Variants in CDKAL1 observed in about 807,000 individuals in gnomAD.
The protein encoded by CDKAL1 is CDKAL1 threonylcarbamoyladenosine tRNA methylthiotransferase.
A neutral mutation model predicts 68.2 loss-of-function variants in CDKAL1; 32 were observed. The ratio of observed to expected loss-of-function variants is 0.47; its 90% confidence interval spans 0.35 to 0.63. CDKAL1 has a LOEUF of 0.63. CDKAL1 is among the 30% of genes least tolerant of loss of function. The pLI is 0.00. For synonymous variants in CDKAL1, 234 were observed against 244.3 expected, an observed-to-expected ratio of 0.96 and a Z score of 0.39; for missense variants, 606 against 696.7, an observed-to-expected ratio of 0.87 and a Z score of 1.47.
chr6:20,810,971 C>T (rs948984980), intron 8 of CDKAL1, among the ~76,000 whole-genome samples: 1 of 152,102 alleles, frequency 6.6e-6, no homozygotes, highest in African/African-American at 2.4e-5. Flanking sequence ...CCAACTTGGC[C>T]ATCAGACTTG....
At chr6:21,081,003 GATA>G (rs1772365907) in intron 12 of CDKAL1, among the ~76,000 whole-genome samples, 1 of 152,070 alleles carries the variant, frequency 6.6e-6, no homozygotes, top group South Asian at 2.1e-4. Context: ...CCAACTTTAG[GATA>G]ATGAGGAATC....
intron 11 of CDKAL1, among the ~76,000 whole-genome samples, chr6:21,051,636 T>C (rs1770544753): frequency 6.6e-6 from 1 of 152,192 alleles, no homozygotes; most frequent in African/African-American, 2.4e-5. Flanking sequence ...GAGAAAGTTA[T>C]ATTAAACAAG....
chr6:20,630,328 G>A (rs1261340744), intron 4 of CDKAL1, among the ~76,000 whole-genome samples: 1 of 152,020 alleles, frequency 6.6e-6, no homozygotes, highest in Non-Finnish European at 1.5e-5. Flanking sequence ...CCTTGGATGG[G>A]CTCTGATCAC....
At chr6:20,863,866 ATTGT>A (rs1759770875) in intron 9 of CDKAL1, among the ~76,000 whole-genome samples, 1 of 152,172 alleles carries the variant, frequency 6.6e-6, no homozygotes, top group Admixed American at 6.5e-5. Flanking sequence ...GAAAAATTTG[ATTGT>A]TTTTACATTT....
intron 8 of CDKAL1, among the ~76,000 whole-genome samples, chr6:20,827,721 T>G (rs1185738609): frequency 1.3e-5 from 2 of 152,180 alleles, no homozygotes; most frequent in African/African-American, 2.4e-5. Flanking sequence ...ATTGAAGACA[T>G]AAAGATAGGT....
At chr6:21,159,424 C>T (rs1776802919) in intron 13 of CDKAL1, among the ~76,000 whole-genome samples, 1 of 152,186 alleles carries the variant, frequency 6.6e-6, no homozygotes, top group Admixed American at 6.5e-5. Context: ...ATCTGTTCTT[C>T]CAAGGGAAAC....
chr6:20,649,315 A>G lies in CDKAL1; in HGVS notation c.309A>G (p.Leu103=), dbSNP rs374353185. 5 of 1,608,538 alleles carry G rather than the reference A, an allele frequency of 3.1e-6. No individual in the cohort carries two copies. Among genetic ancestry groups the G allele is most frequent in the Non-Finnish European group, 4.2e-6 (5 of 1,178,218 alleles). The part of the protein sequence containing the change: ...KITENASDAD[L]WLLNSCTVKN... ...TAGAAAATGCATCCGATGCAGATTTATGGCTCCTGAACAGTTGCACTGTAA... is the reference window on the plus strand; with the variant it reads ...TAGAAAATGCATCCGATGCAGATTTGTGGCTCCTGAACAGTTGCACTGTAA... The change falls in exon 5 of 16, where the codon TTA becomes TTG. Residue 103 remains leucine, a synonymous_variant. Transcript: ENST00000274695.
intron 8 of CDKAL1, among the ~76,000 whole-genome samples, chr6:20,812,935 T>C (rs1490826877): frequency 6.6e-6 from 1 of 152,202 alleles, no homozygotes; most frequent in Non-Finnish European, 1.5e-5. Context: ...ATATTTACAC[T>C]AGCAGTTTTT....
chr6:20,910,065 T>G (rs1320998696), intron 9 of CDKAL1, among the ~76,000 whole-genome samples: 1 of 152,234 alleles, frequency 6.6e-6, no homozygotes, highest in Non-Finnish European at 1.5e-5. Flanking sequence ...GATTTTGTTT[T>G]CACTTTATCA....
chr6:21,231,061 T>G lies in CDKAL1; in HGVS notation c.*22T>G. The G allele has an allele frequency of 6.6e-7, 1 of 1,523,640 alleles. No homozygotes were observed. Among genetic ancestry groups the G allele is most frequent in the Non-Finnish European group, 9.0e-7 (1 of 1,114,666 alleles). 94.4% of individuals were successfully genotyped at this position (1,523,640 alleles called of 1,614,324 possible). ...TTAGAATACAACTAATGGAAACATC[T>G]ATAAAGAAGAATACATTTCTAATTA... On this transcript the variant is annotated 3_prime_UTR_variant, in exon 16 of 16. Coordinates refer to ENST00000274695, the MANE Select transcript of CDKAL1 (RefSeq NM_017774.3).
chr6:21,074,906 C>T (rs942899484), intron 12 of CDKAL1, among the ~76,000 whole-genome samples: 4 of 151,452 alleles, frequency 2.6e-5, no homozygotes, highest in African/African-American at 9.7e-5. Flanking sequence ...GTGCACCCAT[C>T]ATGTGAGTAG....
intron 13 of CDKAL1, among the ~76,000 whole-genome samples, chr6:21,127,027 A>G (rs531606517): frequency 6.6e-6 from 1 of 152,306 alleles, no homozygotes; most frequent in Admixed American, 6.5e-5. Flanking sequence ...AAGAAGAGAG[A>G]TGGCATCTGT....
intron 5 of CDKAL1, among the ~76,000 whole-genome samples, chr6:20,735,956 G>T (rs1031258050): frequency 2.6e-5 from 4 of 152,020 alleles, no homozygotes; most frequent in African/African-American, 9.7e-5. Flanking sequence ...TGCTGCATCC[G>T]CTGTCATCAA....
At chr6:20,729,277 T>C (rs796544395) in intron 5 of CDKAL1, among the ~76,000 whole-genome samples, 40 of 152,326 alleles carry the variant, frequency 2.6e-4, no homozygotes, top group African/African-American at 9.4e-4. Context: ...TCTAAGGAGC[T>C]TGTCAGGATG....
chr6:20,542,919 A>G (rs941748884), intron 2 of CDKAL1, among the ~76,000 whole-genome samples: 1 of 152,226 alleles, frequency 6.6e-6, no homozygotes, highest in Non-Finnish European at 1.5e-5. Flanking sequence ...ATCATACAGA[A>G]TGTAACCTTT....
At chr6:20,991,254 A>G (rs1279530177) in intron 10 of CDKAL1, among the ~76,000 whole-genome samples, 1 of 152,208 alleles carries the variant, frequency 6.6e-6, no homozygotes, top group Non-Finnish European at 1.5e-5. Context: ...AATTGTGGTT[A>G]TGAGAGGCTT....
intron 5 of CDKAL1, among the ~76,000 whole-genome samples, chr6:20,659,799 A>G (rs559676063): frequency 6.6e-6 from 1 of 152,174 alleles, no homozygotes; most frequent in East Asian, 1.9e-4. Flanking sequence ...TTCCATTAGT[A>G]TTGCCCATCT....
At chr6:20,800,859 C>T (rs1776337280) in intron 8 of CDKAL1, among the ~76,000 whole-genome samples, 1 of 152,178 alleles carries the variant, frequency 6.6e-6, no homozygotes, top group South Asian at 2.1e-4. Context: ...AGAGATCCTC[C>T]TGCCTTGGCC....
At chr6:20,612,094 T>C (rs1167807579) in intron 4 of CDKAL1, among the ~76,000 whole-genome samples, 1 of 152,206 alleles carries the variant, frequency 6.6e-6, no homozygotes, top group African/African-American at 2.4e-5. Flanking sequence ...GTTCTTTCTT[T>C]ATGGCCAAAT....
Sources: allele counts gnomAD v4.1 joint callset (sites outside exome capture counted in the v4.1 genomes callset), GRCh38; gene constraint gnomAD v4.1.1; transcripts MANE v1.5; gene names NCBI Gene and HGNC (gene_info 2026-07-23, HGNC 2026-07-21).